The following KCNQ5 variants were observed in gnomAD, a reference collection of about 807,000 sequenced individuals.
KCNQ5 encodes the protein potassium voltage-gated channel subfamily KQT member 5.
Under a neutral mutation model 98.2 loss-of-function variants are expected in KCNQ5, and 30 were observed. The observed-to-expected ratio is 0.31, with a 90% CI of 0.23 to 0.41. The LOEUF (loss-of-function observed/expected upper bound fraction) is 0.41. Ranked by LOEUF, KCNQ5 falls within the 10% of genes least tolerant of loss-of-function variation. KCNQ5 has a pLI of 1.00. For synonymous variants in KCNQ5, 458 were observed against 449.4 expected, an observed-to-expected ratio of 1.02 and a Z score of -0.24; for missense variants, 835 against 1,182.5, an observed-to-expected ratio of 0.71 and a Z score of 4.31.
At chr6:73,076,631 T>C (rs1354622605) in intron 3 of KCNQ5, among the ~76,000 whole-genome samples, 1 of 152,186 alleles carries the variant, frequency 6.6e-6, no homozygotes, top group Non-Finnish European at 1.5e-5. Context: ...TATACTTACA[T>C]ACCCTATTAT....
intron 1 of KCNQ5, among the ~76,000 whole-genome samples, chr6:72,670,282 A>G (rs1767033652): frequency 6.6e-6 from 1 of 152,222 alleles, no homozygotes; most frequent in South Asian, 2.1e-4. Context: ...TTCACTAAGA[A>G]GATGAAAGCC....
chr6:72,855,660 G>C (rs1035485818), intron 1 of KCNQ5, among the ~76,000 whole-genome samples: 2 of 152,096 alleles, frequency 1.3e-5, no homozygotes, highest in African/African-American at 4.8e-5. Context: ...ATTAGACTTG[G>C]GGGAGAAAGC....
At chr6:72,930,480 C>A (rs1477970925) in intron 1 of KCNQ5, among the ~76,000 whole-genome samples, 1 of 148,782 alleles carries the variant, frequency 6.7e-6, no homozygotes, top group African/African-American at 2.5e-5. Flanking sequence ...GCCATGTTTG[C>A]TGTTAACTAA....
chr6:73,049,864 C>T (rs1273997987), intron 3 of KCNQ5, among the ~76,000 whole-genome samples: 1 of 152,004 alleles, frequency 6.6e-6, no homozygotes, highest in Non-Finnish European at 1.5e-5. Context: ...AATCTCCCTC[C>T]TTCTAGGGGC....
chr6:73,169,706 C>A, intron 10 of KCNQ5, 40 bp from the exon 11 acceptor site: 2 of 1,378,438 alleles, frequency 1.5e-6, no homozygotes, highest in Non-Finnish European at 1.0e-6. Flanking sequence ...TTTCAAATTG[C>A]GGATGGTGGT....
intron 1 of KCNQ5, among the ~76,000 whole-genome samples, chr6:72,997,363 G>T (rs1359898260): frequency 4.6e-5 from 7 of 151,996 alleles, no homozygotes; most frequent in Non-Finnish European, 1.0e-4. Flanking sequence ...GTCCTTTAAA[G>T]AAATACTCTA....
intron 3 of KCNQ5, 128 bp downstream of exon 3, chr6:73,042,190 C>A: frequency 4.7e-6 from 5 of 1,063,688 alleles, no homozygotes; most frequent in Non-Finnish European, 7.3e-6. Context: ...ACCGGGCACT[C>A]TTGTGTCTTG....
At chr6:73,122,282 A>G (rs1013182614) in intron 8 of KCNQ5, among the ~76,000 whole-genome samples, 2 of 152,234 alleles carry the variant, frequency 1.3e-5, no homozygotes, top group South Asian at 2.1e-4. Flanking sequence ...AGAGTGGTCT[A>G]TTATCATATG....
chr6:72,983,211 T>C (rs529723198), intron 1 of KCNQ5, among the ~76,000 whole-genome samples: 1 of 152,354 alleles, frequency 6.6e-6, no homozygotes, highest in South Asian at 2.1e-4. Context: ...AGTTTGAATG[T>C]TGGCCTGCCT....
chr6:73,034,832 C>G (rs1771316508), intron 2 of KCNQ5, among the ~76,000 whole-genome samples: 1 of 129,022 alleles, frequency 7.8e-6, no homozygotes, highest in African/African-American at 3.1e-5. Context: ...CTACCACTGC[C>G]TCTTTTCTTT....
chr6:72,685,073 G>T (rs557161200), intron 1 of KCNQ5, among the ~76,000 whole-genome samples: 58 of 152,264 alleles, frequency 3.8e-4, no homozygotes, highest in South Asian at 1.0e-3. Context: ...AGAGAAAAGG[G>T]CCCTTAAAAT....
At chr6:72,645,427 T>TA (rs1211617900) in intron 1 of KCNQ5, among the ~76,000 whole-genome samples, 2 of 150,702 alleles carry the variant, frequency 1.3e-5, no homozygotes, top group East Asian at 1.9e-4. Flanking sequence ...AACAAATCAA[T>TA]AAAAAACCCC....
chr6:73,066,527 A>C (rs1304005128), intron 3 of KCNQ5, among the ~76,000 whole-genome samples: 1 of 152,252 alleles, frequency 6.6e-6, no homozygotes, highest in Non-Finnish European at 1.5e-5. Context: ...TGAATAAATA[A>C]ATTGCCTTAA....
chr6:73,150,286 A>G (rs1777098773), intron 10 of KCNQ5, among the ~76,000 whole-genome samples: 1 of 151,880 alleles, frequency 6.6e-6, no homozygotes, highest in Non-Finnish European at 1.5e-5. Flanking sequence ...GTAGTTTCTT[A>G]AAACTATTCA....
chr6:73,195,373 A>G lies in KCNQ5; in HGVS notation c.2758A>G (p.Ser920Gly), dbSNP rs140808534. 2 of 1,614,110 alleles carry G rather than the reference A, an allele frequency of 1.2e-6. No homozygotes were observed. Among genetic ancestry groups the G allele is most frequent in the African/African-American group, 1.3e-5 (1 of 75,072 alleles). ...SSQSICKAGESTDALSLPHVK... is the reference protein window; with the variant it reads ...SSQSICKAGEGTDALSLPHVK... ...TCAGAGCATTTGTAAGGCAGGAGAA[A>G]GTACAGATGCCCTCAGCTTGCCTCA... Residue 920 changes from serine (S) to glycine (G), a missense_variant, in exon 14 of 14, where the codon AGT (serine) becomes GGT (glycine). Ser to Gly is a moderately conservative substitution (Grantham distance 56, BLOSUM62 0). Transcript: ENST00000370398.
intron 1 of KCNQ5, among the ~76,000 whole-genome samples, chr6:72,808,217 A>G (rs1775049207): frequency 6.6e-6 from 1 of 152,226 alleles, no homozygotes; most frequent in Non-Finnish European, 1.5e-5. Context: ...CTAAGAAAGA[A>G]GAAGTTGTTA....
At chr6:73,009,112 C>T (rs747429708) in intron 2 of KCNQ5, among the ~76,000 whole-genome samples, 4 of 152,040 alleles carry the variant, frequency 2.6e-5, no homozygotes, top group Admixed American at 6.5e-5. Context: ...GCCTCTCAGC[C>T]TCCTGAGTAG....
intron 1 of KCNQ5, among the ~76,000 whole-genome samples, chr6:72,695,522 C>T (rs1304101570): frequency 1.3e-5 from 2 of 152,252 alleles, no homozygotes; most frequent in African/African-American, 4.8e-5. Flanking sequence ...CTCTTTTCCT[C>T]TCTGAATGTT....
intron 3 of KCNQ5, among the ~76,000 whole-genome samples, chr6:73,048,868 G>A (rs1014172572): frequency 6.6e-6 from 1 of 152,286 alleles, no homozygotes; most frequent in East Asian, 1.9e-4. Context: ...CAGTTCCTAA[G>A]ATCCTCCTTG....
Sources: allele counts gnomAD v4.1 joint callset (sites outside exome capture counted in the v4.1 genomes callset), GRCh38; gene constraint gnomAD v4.1.1; transcripts MANE v1.5; gene names NCBI Gene and HGNC (gene_info 2026-07-23, HGNC 2026-07-21).